The following SIPA1 variants were observed in gnomAD, a reference collection of about 807,000 sequenced individuals.
The protein encoded by SIPA1 is signal-induced proliferation-associated protein 1.
In SIPA1, 51 loss-of-function variants were observed where a neutral mutation model predicts 88.1. That is an observed-to-expected ratio of 0.58 (90% CI 0.46 to 0.73). The LOEUF (loss-of-function observed/expected upper bound fraction) is 0.73, where lower values mean the gene tolerates loss of function less well. Among genes scored for constraint, SIPA1 ranks in the 30% least tolerant of loss-of-function variants. SIPA1 has a pLI of 0.00. For missense variants in SIPA1, 1,348 were observed against 1,467.6 expected, an observed-to-expected ratio of 0.92 and a Z score of 1.33; for synonymous variants, 681 against 664.8, an observed-to-expected ratio of 1.02 and a Z score of -0.37.
intron 1 of SIPA1, among the ~76,000 whole-genome samples, chr11:65,639,672 A>G (rs370471099): frequency 4.7e-4 from 71 of 151,730 alleles, no homozygotes; most frequent in African/African-American, 1.6e-3. Flanking sequence ...CTCACTGCCT[A>G]CTCCATCCAG....
intron 5 of SIPA1, 176 bp from the exon 6 acceptor site, chr11:65,645,678 G>T: frequency 1.8e-6 from 1 of 552,978 alleles, no homozygotes; most frequent in Non-Finnish European, 3.2e-6. Context: ...AGGAGGAGGG[G>T]CACCCAGGGC....
intron 4 of SIPA1, among the ~76,000 whole-genome samples, chr11:65,643,051 G>A (rs1352625782): frequency 6.6e-6 from 1 of 152,096 alleles, no homozygotes; most frequent in East Asian, 1.9e-4. Flanking sequence ...GAGTAGCTGG[G>A]ATTACAGGTG....
chr11:65,647,800 C>A, intron 9 of SIPA1, 142 bp downstream of exon 9: 1 of 552,352 alleles, frequency 1.8e-6, no homozygotes, highest in Non-Finnish European at 2.6e-6. Flanking sequence ...GTCTCTTAGC[C>A]CGTCTGAGCC....
At position 65,642,418 on chromosome 11, in the gene SIPA1, C is replaced by G. The variant is rs779461550; in HGVS notation, c.807+41C>G. ...GGGATCAGGACGTGGGTTGCCTCCC[C>G]GACACCTTGTATGCATCCTGAGTGC... On this transcript the variant is annotated intron_variant, in intron 3 of 15. Transcript: ENST00000534313. The surrounding 1 kb of genome is among the most constrained non-coding windows in gnomAD (Gnocchi z 6.5). 17 of 1,596,516 alleles carry G rather than the reference C, an allele frequency of 1.1e-5. No individual in the cohort carries two copies. The highest frequency in any genetic ancestry group is 1.5e-5 in the Non-Finnish European group (17 of 1,170,028).
intron 8 of SIPA1, 33 bp from the exon 9 acceptor site, chr11:65,647,351 C>T (rs1359713475): frequency 2.5e-5 from 34 of 1,379,988 alleles, no homozygotes; most frequent in Admixed American, 3.7e-5. Context: ...CACCTCCCGG[C>T]AGCCCCGCCC....
rs1856242999 is a variant in SIPA1, at chr11:65,650,467, G to A, written c.2970G>A (p.Glu990=). 3.1e-6 allele frequency: 5 copies of A among 1,614,092 alleles called. 1 individual carries two copies. In the East Asian group the frequency reaches 8.9e-5, roughly 29 times the overall value. Residue 990 remains glutamate (E), a synonymous_variant, in exon 15 of 16, where the codon GAG becomes GAA. Coordinates refer to ENST00000534313, the MANE Select transcript of SIPA1 (RefSeq NM_006747.4). ...AGTCCATGCTCAGGAAGCTGCAGGA[G>A]GACCTGCAGAAGGTGAGGGGTGGGC... ...HLESMLRKLQ[E]DLQKEKADRA...
chr11:65,647,725 C>G, intron 9 of SIPA1, 67 bp downstream of exon 9: 1 of 1,228,078 alleles, frequency 8.1e-7, no homozygotes, highest in South Asian at 2.3e-5. Flanking sequence ...TCTGCGCCTC[C>G]CGGGTCGCCA....
chr11:65,649,810 G>A lies in SIPA1; in HGVS notation c.2691G>A (p.Glu897=), dbSNP rs1056302988. Residue 897 remains glutamate, a synonymous_variant, in exon 12 of 16, where the codon GAG becomes GAA. Transcript: ENST00000534313. ...GSEDKGNPAP[E]LRASFLPRTL... ...AGGACAAGGGCAACCCGGCGCCGGAGCTGAGGGCCTCCTTTCTGCCACGTA... is the reference window on the plus strand; with the variant it reads ...AGGACAAGGGCAACCCGGCGCCGGAACTGAGGGCCTCCTTTCTGCCACGTA... 1.9e-6 allele frequency: 3 copies of A among 1,613,992 alleles called. No homozygotes were observed. In the African/African-American group the frequency reaches 4.0e-5, roughly 22 times the overall value.
chr11:65,641,246 C>T lies in SIPA1; in HGVS notation c.325C>T (p.Pro109Ser). ...AGAGGAACCAGAGCCTGCCTTCCCA[C>T]CAGTGCTTGAGCCTCGATGGTTTGC... ...PAEEPEPAFPPVLEPRWFAHY... is the reference protein window; with the variant it reads ...PAEEPEPAFPSVLEPRWFAHY... The change falls in exon 2 of 16, where the codon CCA becomes TCA. Residue 109 changes from proline to serine, a missense_variant. Physicochemically the swap from Pro to Ser is moderately conservative, Grantham distance 74. Coordinates refer to ENST00000534313, the MANE Select transcript of SIPA1 (RefSeq NM_006747.4). The T allele has an allele frequency of 6.2e-7, 1 of 1,613,464 alleles. No homozygotes were observed. Among genetic ancestry groups the T allele is most frequent in the Non-Finnish European group, 8.5e-7 (1 of 1,180,020 alleles).
At position 65,642,338 on chromosome 11, in the gene SIPA1, C is replaced by G; in HGVS notation, c.768C>G (p.Gly256=). The G allele has an allele frequency of 6.4e-7, 1 of 1,557,448 alleles. No individual in the cohort carries two copies. The highest frequency in any genetic ancestry group is 8.7e-7 in the Non-Finnish European group (1 of 1,152,426). Residue 256 remains glycine, a synonymous_variant, in exon 3 of 16, where the codon GGC becomes GGG. Coordinates refer to ENST00000534313, the MANE Select transcript of SIPA1 (RefSeq NM_006747.4). The surrounding 1 kb of genome is among the most constrained non-coding windows in gnomAD (Gnocchi z 6.5). ...AGGAGAAGGAGGGCAGCGGAGGGGG[C>G]ACCCTGCACAGCTACCGCGTCATCG... ...RREEKEGSGG[G]TLHSYRVIVR... is the part of the protein sequence containing the mutation.
intron 11 of SIPA1, 35 bp downstream of exon 11, chr11:65,649,707 C>G: frequency 3.7e-6 from 6 of 1,614,062 alleles, no homozygotes; most frequent in Non-Finnish European, 5.1e-6. Flanking sequence ...CCCAACAGCA[C>G]AGTGGTGACA....
chr11:65,649,212 A>G, intron 9 of SIPA1, 50 bp from the exon 10 acceptor site: 2 of 1,337,248 alleles, frequency 1.5e-6, no homozygotes, highest in Non-Finnish European at 2.0e-6. Context: ...CTAGTGATGC[A>G]GGACGCTGGG....
intron 9 of SIPA1, 126 bp from the exon 10 acceptor site, chr11:65,649,136 A>C: frequency 1.5e-6 from 1 of 668,704 alleles, no homozygotes; most frequent in Non-Finnish European, 2.5e-6. Context: ...GACATTTTTC[A>C]CTGTTGTCAG....
intron 4 of SIPA1, among the ~76,000 whole-genome samples, chr11:65,643,653 G>A (rs930985340): frequency 1.8e-4 from 27 of 152,360 alleles, no homozygotes; most frequent in African/African-American, 6.5e-4. Context: ...AGTGATGAGA[G>A]CCCTTCCTTG....
Position 65,646,805 on chromosome 11 carries a change from G to A in SIPA1, c.1771G>A (p.Ala591Thr). The A allele has an allele frequency of 7.8e-7, 1 of 1,286,786 alleles. No individual in the cohort carries two copies. The highest frequency in any genetic ancestry group is 9.8e-7 in the Non-Finnish European group (1 of 1,019,102). 79.7% of individuals were successfully genotyped at this position (1,286,786 alleles called of 1,614,324 possible). The change falls in exon 8 of 16, where the codon GCG becomes ACG. Residue 591 changes from alanine to threonine, a missense_variant. Physicochemically the swap from Ala to Thr is moderately conservative, Grantham distance 58. Coordinates refer to ENST00000534313, the MANE Select transcript of SIPA1 (RefSeq NM_006747.4). The surrounding 1 kb of genome is among the most constrained non-coding windows in gnomAD (Gnocchi z 7.5). The stretch of plus-strand genomic sequence containing the variant: ...GTGGGGAGTGCGCGCGGCGCCCGGG[G>A]CGCGGGTCGCCGCCGGGGCTCAGGC... ...LVWGVRAAPG[A>T]RVAAGAQASG...
At chr11:65,650,300 T>A in intron 14 of SIPA1, 101 bp from the exon 15 acceptor site, 2 of 1,536,270 alleles carry the variant, frequency 1.3e-6, no homozygotes, top group Non-Finnish European at 1.8e-6. Flanking sequence ...CACATATGCC[T>A]AGAAGACCAG....
At position 65,646,168 on chromosome 11, in the gene SIPA1, G is replaced by A. The variant is rs1590922163; in HGVS notation, c.1264-53G>A. On this transcript the variant is annotated intron_variant, in intron 6 of 15. Coordinates refer to ENST00000534313, the MANE Select transcript of SIPA1 (RefSeq NM_006747.4). This position sits in a 1 kb window ranked among gnomAD's most constrained non-coding sequence, Gnocchi z 7.5. ...TGGCTTTCTCCTGCCTGAATGAGGA[G>A]GGGTTTGGGGCACAGAAGACCTCAT... 5 of 1,592,940 alleles carry A rather than the reference G, an allele frequency of 3.1e-6. No homozygotes were observed. The highest frequency in any genetic ancestry group is 1.7e-5 in the Admixed American group (1 of 59,276).
At position 65,647,561 on chromosome 11, in the gene SIPA1, C is replaced by T; in HGVS notation, c.2209C>T (p.Pro737Ser). ...RLLRVCGQTL[P>S]SLRPEAAAQL... ...CCTGCGCGTGTGCGGCCAGACTCTG[C>T]CCAGCCTCCGGCCCGAGGCCGCTGC... Residue 737 changes from proline (P) to serine (S), a missense_variant, in exon 9 of 16, where the codon CCC (proline) becomes TCC (serine). Coordinates refer to ENST00000534313, the MANE Select transcript of SIPA1 (RefSeq NM_006747.4). 1.5e-6 allele frequency: 2 copies of T among 1,328,578 alleles called. No individual in the cohort carries two copies. Among genetic ancestry groups the T allele is most frequent in the Non-Finnish European group, 1.9e-6 (2 of 1,041,466 alleles). 82.3% of individuals were successfully genotyped at this position (1,328,578 alleles called of 1,614,324 possible). A position where few individuals can be genotyped will look rare whatever the true frequency, so the allele number is the denominator to read the frequency against.
Position 65,642,191 on chromosome 11 carries a change from AGCGGGGGCGG to A in SIPA1, c.680-57_680-48del. The A allele has an allele frequency of 4.6e-6, 7 of 1,532,098 alleles. No individual in the cohort carries two copies. Among genetic ancestry groups the A allele is most frequent in the South Asian group, 3.7e-5 (3 of 82,050 alleles). The allele number at this position is 1,532,098 out of a possible 1,614,324, so 94.9% of individuals were successfully genotyped here. A position where few individuals can be genotyped will look rare whatever the true frequency, so the allele number is the denominator to read the frequency against. ...CGGGGCTTAGTGATGCGCGTGGTCG[AGCGGGGGCGG>A]GGCTGCCAGAGGGCGGGACCAATCG... On this transcript the variant is annotated intron_variant, in intron 2 of 15. Transcript: ENST00000534313. The surrounding 1 kb of genome is among the most constrained non-coding windows in gnomAD (Gnocchi z 6.5).
Sources: gnomAD v4.1 joint callset for allele counts (sites outside exome capture counted in the v4.1 genomes callset) on GRCh38, gnomAD v4.1.1 for gene constraint, Gnocchi (gnomAD v3.1) non-coding constraint, MANE v1.5 for transcripts, NCBI Gene and HGNC (gene_info 2026-07-23, HGNC 2026-07-21) for gene names.